The following SETBP1 variants were observed in gnomAD, a reference collection of about 807,000 sequenced individuals.
SETBP1 encodes the protein SET binding protein 1.
A neutral mutation model predicts 101.0 loss-of-function variants in SETBP1; 9 were observed. That is an observed-to-expected ratio of 0.09 (90% confidence interval 0.05 to 0.16). The LOEUF (loss-of-function observed/expected upper bound fraction) is 0.16, where lower values mean the gene tolerates loss of function less well. Ranked by LOEUF, SETBP1 falls within the 10% of genes least tolerant of loss-of-function variation. The pLI, the probability that SETBP1 is intolerant of heterozygous loss-of-function variation, is 1.00. For missense variants in SETBP1, 1,858 were observed against 2,033.8 expected (o/e 0.91, Z 1.66); for synonymous variants, 818 against 788.5 (o/e 1.04, Z -0.63).
chr18:45,001,299 A>T (rs2072613973), intron 4 of SETBP1, among the ~76,000 whole-genome samples: 1 of 152,198 alleles, frequency 6.6e-6, no homozygotes. Flanking sequence ...CTCCTACTTT[A>T]TTGAGTATTG....
At chr18:44,965,216 A>C (rs1284668943) in intron 4 of SETBP1, among the ~76,000 whole-genome samples, 1 of 152,020 alleles carries the variant, frequency 6.6e-6, no homozygotes, top group African/African-American at 2.4e-5. Flanking sequence ...GTAATCAGCC[A>C]GTTTCTTTTA....
At chr18:44,756,568 A>C (rs117349575) in intron 2 of SETBP1, among the ~76,000 whole-genome samples, 64 of 152,264 alleles carry the variant, frequency 4.2e-4, no homozygotes, top group Middle Eastern at 3.4e-3. Flanking sequence ...CTTCTGCTGC[A>C]ATGACCACCA....
intron 2 of SETBP1, among the ~76,000 whole-genome samples, chr18:44,802,150 C>T (rs1366278913): frequency 1.3e-5 from 2 of 152,170 alleles, no homozygotes; most frequent in African/African-American, 4.8e-5. Context: ...CTGGTGCTTC[C>T]ATCATTTTTT....
In SETBP1 at chr18:45,063,507, C is replaced by A; in HGVS notation, c.4600C>A (p.Pro1534Thr). 1 of 1,412,662 alleles carries A rather than the reference C, an allele frequency of 7.1e-7. No individual in the cohort carries two copies. Among genetic ancestry groups the A allele is most frequent in the Non-Finnish European group, 9.3e-7 (1 of 1,079,280 alleles). 87.5% of individuals were successfully genotyped at this position (1,412,662 alleles called of 1,614,324 possible). ...ACCGCCGCCGCCCCTGCCGCCACCG[C>A]CGCCACCACCCCTGCCCCCGCCACC... Reference protein sequence around the residue: ...PPPPPPLPPPPPPPLPPPPPL... With the variant: ...PPPPPPLPPPTPPPLPPPPPL... Residue 1534 changes from proline to threonine, a missense_variant, in exon 6 of 6, where the codon CCG (proline) becomes ACG (threonine). Pro to Thr is a conservative substitution (Grantham distance 38, BLOSUM62 -1). Around this residue, in one of 12 missense-constraint regions of SETBP1, gnomAD observed 178 missense variants for 189.1 expected, o/e 0.94. Coordinates refer to ENST00000649279, the MANE Select transcript of SETBP1 (RefSeq NM_015559.3).
intron 1 of SETBP1, among the ~76,000 whole-genome samples, chr18:44,684,277 T>C (rs2068802167): frequency 6.6e-6 from 1 of 152,176 alleles, no homozygotes; most frequent in African/African-American, 2.4e-5. Context: ...CTTCATGAAG[T>C]TGCACATACT....
intron 2 of SETBP1, among the ~76,000 whole-genome samples, chr18:44,816,491 G>A (rs1166403126): frequency 6.6e-6 from 1 of 152,166 alleles, no homozygotes; most frequent in East Asian, 1.9e-4. Context: ...CAAGTGGTAA[G>A]TTTTGTACCT....
intron 2 of SETBP1, among the ~76,000 whole-genome samples, chr18:44,794,069 G>A (rs1267885799): frequency 6.6e-6 from 1 of 152,178 alleles, no homozygotes; most frequent in African/African-American, 2.4e-5. Context: ...TTGGAGGTTG[G>A]TTGGCAGGTA....
intron 4 of SETBP1, among the ~76,000 whole-genome samples, chr18:45,027,300 G>C (rs1246214589): frequency 6.6e-6 from 1 of 152,146 alleles, no homozygotes; most frequent in Non-Finnish European, 1.5e-5. Flanking sequence ...AATCTAGAAA[G>C]CTCAGAATCA....
chr18:44,711,095 G>C (rs1364264512), intron 2 of SETBP1, among the ~76,000 whole-genome samples: 2 of 152,190 alleles, frequency 1.3e-5, no homozygotes, highest in African/African-American at 4.8e-5. Context: ...GCTGCTGGGG[G>C]AGTGCAAGCT....
At position 44,689,819 on chromosome 18, in the gene SETBP1, G is replaced by A. The variant is rs377679843; in HGVS notation, c.-173+8798G>A. ...GGAGAACAGTTCAGCATAGGGCTCTGTGGAGTGTAAGGCAGCAAGACAGAT... is the reference window on the plus strand; with the variant it reads ...GGAGAACAGTTCAGCATAGGGCTCTATGGAGTGTAAGGCAGCAAGACAGAT... On this transcript the variant is annotated intron_variant, in intron 1 of 5. Transcript: ENST00000649279. 5.3e-5 allele frequency among the ~76,000 whole-genome samples: 8 copies of A among 152,328 alleles called. No homozygotes were observed. The East Asian group carries it at 1.5e-3, about 29-fold the overall frequency.
chr18:44,958,331 C>CCATTT (rs1451809308), intron 4 of SETBP1, among the ~76,000 whole-genome samples: 1 of 152,176 alleles, frequency 6.6e-6, no homozygotes, highest in Non-Finnish European at 1.5e-5. Context: ...TTAGCTCCAG[C>CCATTT]CATTTCACTT....
intron 2 of SETBP1, among the ~76,000 whole-genome samples, chr18:44,791,569 T>G (rs544632840): frequency 5.9e-5 from 9 of 152,294 alleles, no homozygotes; most frequent in African/African-American, 1.7e-4. Context: ...AACCACTCAC[T>G]TTCCCTGAAT....
At chr18:44,728,192 G>A (rs773948655) in intron 2 of SETBP1, among the ~76,000 whole-genome samples, 33 of 152,170 alleles carry the variant, frequency 2.2e-4, no homozygotes, top group Non-Finnish European at 2.9e-5. Context: ...TCAAATTCCT[G>A]TATTGTACTG....
At chr18:44,819,491 G>T (rs182020597) in intron 2 of SETBP1, among the ~76,000 whole-genome samples, 1 of 152,296 alleles carries the variant, frequency 6.6e-6, no homozygotes, top group African/African-American at 2.4e-5. Flanking sequence ...ACATGGAAAT[G>T]GAAGCTTTTT....
chr18:44,886,625 T>C (rs945801837), intron 3 of SETBP1, among the ~76,000 whole-genome samples: 3 of 152,022 alleles, frequency 2.0e-5, no homozygotes, highest in South Asian at 2.1e-4. Flanking sequence ...AAGGGCCCTG[T>C]CACCTTTTAG....
intron 4 of SETBP1, among the ~76,000 whole-genome samples, chr18:44,975,066 G>A (rs2071956633): frequency 6.6e-6 from 1 of 152,178 alleles, no homozygotes; most frequent in Non-Finnish European, 1.5e-5. Context: ...CACACAAGGT[G>A]TGTAAAGATC....
At chr18:44,876,857 T>G (rs2069418411) in intron 3 of SETBP1, 1 of 1,420,992 alleles carries the variant, frequency 7.0e-7, no homozygotes, top group East Asian at 2.5e-5. Context: ...TGACAGCATT[T>G]GGGCTTATGA....
chr18:45,049,000 A>AAAAG (rs2073672971), intron 5 of SETBP1, among the ~76,000 whole-genome samples: 1 of 149,674 alleles, frequency 6.7e-6, no homozygotes, highest in African/African-American at 2.5e-5. Flanking sequence ...AAAAAAAAAA[A>AAAAG]AAAAAATAGA....
chr18:45,024,484 T>G (rs1462078108), intron 4 of SETBP1, among the ~76,000 whole-genome samples: 1 of 152,164 alleles, frequency 6.6e-6, no homozygotes, highest in African/African-American at 2.4e-5. Context: ...CAATGACAGT[T>G]TCCTTTCTTA....
Sources: gnomAD v4.1 joint callset for allele counts (sites outside exome capture counted in the v4.1 genomes callset) on GRCh38, gnomAD v4.1.1 for gene constraint, gnomAD v4.1.1 regional missense constraint, MANE v1.5 for transcripts, NCBI Gene and HGNC (gene_info 2026-07-23, HGNC 2026-07-21) for gene names.